The following DDX42 variants were observed in gnomAD, a reference collection of about 807,000 sequenced individuals.
DDX42 encodes the protein DEAD-box helicase 42, also known as ATP-dependent RNA helicase DDX42.
Under a neutral mutation model 101.5 loss-of-function variants are expected in DDX42, and 22 were observed. The observed-to-expected ratio is 0.22, with a 90% CI of 0.15 to 0.31. The LOEUF (loss-of-function observed/expected upper bound fraction) is 0.31, where lower values mean the gene tolerates loss of function less well. Ranked by LOEUF, DDX42 falls within the 10% of genes least tolerant of loss-of-function variation. The probability of loss-of-function intolerance (pLI) is 1.00; values close to 1 mark genes in which losing one functional copy is unlikely to be tolerated. For synonymous variants in DDX42, 402 were observed against 401.2 expected, an observed-to-expected ratio of 1.00 and a Z score of -0.02; for missense variants, 849 against 1,199.9, an observed-to-expected ratio of 0.71 and a Z score of 4.32.
intron 1 of DDX42, among the ~76,000 whole-genome samples, chr17:63,783,449 C>T (rs2039511993): frequency 6.6e-6 from 1 of 152,074 alleles, no homozygotes; most frequent in East Asian, 1.9e-4. Context: ...AAATTGAGCC[C>T]ATCCTTTTTG....
chr17:63,818,255 C>T lies in DDX42; in HGVS notation c.2674C>T (p.Arg892Cys), dbSNP rs751459657. The T allele has an allele frequency of 7.6e-5, 123 of 1,613,892 alleles. No individual in the cohort carries two copies. The highest frequency in any genetic ancestry group is 1.0e-4 in the Non-Finnish European group (119 of 1,180,028). ...NGESRKEAFN[R>C]ESKMEPKMEP... ...GGAAAGCAGGAAAGAAGCTTTTAAT[C>T]GTGAGAGCAAGATGGAGCCCAAGAT... Residue 892 changes from arginine (R) to cysteine (C), a missense_variant, in exon 18 of 18, where the codon CGT becomes TGT. By Grantham distance (180) the Arg-to-Cys change is radical. This residue lies in a region of DDX42 where 300 missense variants were observed against 304.9 expected (regional missense o/e 0.98). Transcript: ENST00000389924.
intron 4 of DDX42, among the ~76,000 whole-genome samples, chr17:63,798,395 T>C (rs568571501): frequency 2.3e-4 from 35 of 152,348 alleles, no homozygotes; most frequent in African/African-American, 7.9e-4. Flanking sequence ...ATTATTAAAG[T>C]TTAGGCTCAT....
In DDX42 at chr17:63,817,472, G is replaced by A. The variant is rs776015697; in HGVS notation, c.2113-222G>A. ...TATTCTAGCCAATCAGGCTATAAAAGTACATTTCAGAACACTGGGGGTCCA... is the reference window on the plus strand; with the variant it reads ...TATTCTAGCCAATCAGGCTATAAAAATACATTTCAGAACACTGGGGGTCCA... On this transcript the variant is annotated intron_variant, in intron 17 of 17. Coordinates refer to ENST00000389924, the MANE Select transcript of DDX42 (RefSeq NM_203499.3). 2.1e-5 allele frequency: 11 copies of A among 519,790 alleles called. 1 individual carries two copies. The highest frequency in any genetic ancestry group is 3.8e-5 in the Non-Finnish European group (11 of 292,320). 32.2% of individuals were successfully genotyped at this position (519,790 alleles called of 1,614,324 possible). A position where few individuals can be genotyped will look rare whatever the true frequency, so the allele number is the denominator to read the frequency against.
chr17:63,817,532 G>A, intron 17 of DDX42, 162 bp from the exon 18 acceptor site: 1 of 659,994 alleles, frequency 1.5e-6, no homozygotes, highest in Non-Finnish European at 2.5e-6. Context: ...TTCCTTTATA[G>A]CACAAGAACA....
rs1232423577 is a variant in DDX42, at chr17:63,806,451, C to A, written c.727-84C>A. 3.6e-6 allele frequency: 5 copies of A among 1,405,970 alleles called. No individual in the cohort carries two copies. The African/African-American group carries it at 5.8e-5, about 16-fold the overall frequency. The allele number at this position is 1,405,970 out of a possible 1,614,324, so 87.1% of individuals were successfully genotyped here. On this transcript the variant is annotated intron_variant, in intron 7 of 17. Transcript: ENST00000389924. ...TTTACTTCATACTCCAGCTAAAATG[C>A]TAGATCCAGGTAAGTATTGTTGAAC...
At chr17:63,805,397 T>G in intron 7 of DDX42, 1 of 516,776 alleles carries the variant, frequency 1.9e-6, no homozygotes. Context: ...GTTTCATATT[T>G]CAGTCAGTTT....
intron 1 of DDX42, chr17:63,775,200 C>T (rs528463348): frequency 2.6e-5 from 4 of 152,698 alleles, no homozygotes; most frequent in East Asian, 1.9e-4. Context: ...GTGTTTCGTA[C>T]AAAAATTAAT....
At chr17:63,786,913 T>C (rs1201338070) in intron 1 of DDX42, 121 bp from the exon 2 acceptor site, 1 of 911,152 alleles carries the variant, frequency 1.1e-6, no homozygotes, top group Non-Finnish European at 1.7e-6. Flanking sequence ...CCTGACCTCA[T>C]GGTCCACCTG....
At chr17:63,788,400 A>G (rs887402782) in intron 2 of DDX42, among the ~76,000 whole-genome samples, 2 of 143,240 alleles carry the variant, frequency 1.4e-5, no homozygotes, top group East Asian at 2.1e-4. Context: ...TCCGCCTCCC[A>G]GGTTCAAGTG....
At chr17:63,785,646 T>G (rs2039539625) in intron 1 of DDX42, among the ~76,000 whole-genome samples, 1 of 151,052 alleles carries the variant, frequency 6.6e-6, no homozygotes, top group Non-Finnish European at 1.5e-5. Context: ...GAGCCAAGAC[T>G]AATGTAAGGT....
chr17:63,812,295 G>C (rs1005003908), intron 14 of DDX42, 87 bp downstream of exon 14: 1 of 1,489,118 alleles, frequency 6.7e-7, no homozygotes, highest in African/African-American at 1.4e-5. Flanking sequence ...TATCTGAGCA[G>C]GCTGATGGAA....
At chr17:63,779,941 A>G (rs139835881) in intron 1 of DDX42, among the ~76,000 whole-genome samples, 7 of 152,220 alleles carry the variant, frequency 4.6e-5, no homozygotes, top group African/African-American at 4.8e-5. Context: ...TCTGTCAGCT[A>G]TACTCCCACA....
chr17:63,799,679 T>C, intron 5 of DDX42, 54 bp downstream of exon 5: 7 of 1,568,124 alleles, frequency 4.5e-6, no homozygotes, highest in South Asian at 1.2e-5. Context: ...AAGTCTATAC[T>C]GGGGACAAGC....
chr17:63,808,021 T>C, intron 9 of DDX42, 121 bp downstream of exon 9: 1 of 897,182 alleles, frequency 1.1e-6, no homozygotes, highest in East Asian at 2.7e-5. Flanking sequence ...CACACAAAAT[T>C]GATTATCTTA....
At chr17:63,783,890 C>A (rs577031970) in intron 1 of DDX42, among the ~76,000 whole-genome samples, 1 of 151,990 alleles carries the variant, frequency 6.6e-6, no homozygotes, top group Non-Finnish European at 1.5e-5. Context: ...TAACGAAACC[C>A]CATCTCTACT....
intron 5 of DDX42, 44 bp downstream of exon 5, chr17:63,799,669 A>G (rs767959103): frequency 6.3e-5 from 101 of 1,595,390 alleles, no homozygotes; most frequent in Non-Finnish European, 8.1e-5. Flanking sequence ...TTTATCCACA[A>G]AGTCTATACT....
At chr17:63,777,055 T>C (rs979253610) in intron 1 of DDX42, among the ~76,000 whole-genome samples, 1 of 152,098 alleles carries the variant, frequency 6.6e-6, no homozygotes, top group African/African-American at 2.4e-5. Context: ...TACAGGCGTG[T>C]GCCACCATGC....
chr17:63,816,727 T>TCACAAAGC, intron 16 of DDX42, 141 bp from the exon 17 acceptor site: 1 of 516,420 alleles, frequency 1.9e-6, no homozygotes, highest in Admixed American at 4.0e-5. Flanking sequence ...GTGTCTTTTC[T>TCACAAAGC]CACAAAGCAG....
At position 63,780,472 on chromosome 17, in the gene DDX42, A is replaced by G. The variant is rs183897731; in HGVS notation, c.-17+6096A>G. Among the ~76,000 whole-genome samples the G allele has an allele frequency of 2.1e-3, 318 of 152,336 alleles. 1 individual carries two copies. Among genetic ancestry groups the G allele is most frequent in the African/African-American group, 7.3e-3 (302 of 41,568 alleles). On this transcript the variant is annotated intron_variant, in intron 1 of 17. Transcript: ENST00000389924. The stretch of plus-strand genomic sequence containing the variant: ...GGGATGAATTTTGGAGAGCCTGAAT[A>G]CATTACATTTATTCATACAGCAAAA...
Sources: gnomAD v4.1 joint callset for allele counts (sites outside exome capture counted in the v4.1 genomes callset) on GRCh38, gnomAD v4.1.1 for gene constraint, gnomAD v4.1.1 regional missense constraint, MANE v1.5 for transcripts, NCBI Gene and HGNC (gene_info 2026-07-23, HGNC 2026-07-21) for gene names.